TBCK: variants seen among roughly 807,000 people sequenced by gnomAD.
TBCK encodes TBC1 domain containing kinase.
TBCK carries 99 observed loss-of-function variants against 113.4 expected under a neutral mutation model. That is an observed-to-expected ratio of 0.87 (90% CI 0.74 to 1.03). TBCK has a LOEUF of 1.03. TBCK is among the 50% of genes least tolerant of loss of function. The probability of loss-of-function intolerance (pLI) is 0.00; values close to 1 mark genes in which losing one functional copy is unlikely to be tolerated. For synonymous variants in TBCK, 369 were observed against 370.8 expected, an observed-to-expected ratio of 1.00 and a Z score of 0.05; for missense variants, 1,045 against 1,061.3, an observed-to-expected ratio of 0.98 and a Z score of 0.21.
intron 3 of TBCK, among the ~76,000 whole-genome samples, chr4:106,265,526 G>T (rs1161968321): frequency 3.9e-5 from 5 of 129,672 alleles, no homozygotes; most frequent in Admixed American, 3.8e-4. Flanking sequence ...GAGATCCAGA[G>T]ATCCAAAGAG....
intron 25 of TBCK, among the ~76,000 whole-genome samples, chr4:106,077,981 CA>C (rs1163648812): frequency 2.0e-5 from 3 of 152,128 alleles, no homozygotes; most frequent in Non-Finnish European, 4.4e-5. Context: ...GTAAAAACAG[CA>C]ATCAATACTA....
chr4:106,143,114 T>G (rs924302745), intron 23 of TBCK, among the ~76,000 whole-genome samples: 2 of 152,170 alleles, frequency 1.3e-5, no homozygotes, highest in African/African-American at 4.8e-5. Flanking sequence ...CATCAAGAAA[T>G]CCATCCCAAC....
At chr4:106,189,642 T>C (rs908085415) in intron 22 of TBCK, among the ~76,000 whole-genome samples, 3 of 152,176 alleles carry the variant, frequency 2.0e-5, no homozygotes, top group East Asian at 3.9e-4. Flanking sequence ...TTGAAAAAAA[T>C]GTAGAGAGAT....
chr4:106,047,624 T>A (rs762152714), intron 25 of TBCK, among the ~76,000 whole-genome samples: 3 of 152,208 alleles, frequency 2.0e-5, no homozygotes, highest in Non-Finnish European at 2.9e-5. Context: ...CTTGTATGAA[T>A]CTCAATCTTT....
At chr4:106,278,586 A>G (rs1764254901) in intron 3 of TBCK, among the ~76,000 whole-genome samples, 1 of 144,800 alleles carries the variant, frequency 6.9e-6, no homozygotes, top group Middle Eastern at 3.6e-3. Flanking sequence ...AAAAAAAAAG[A>G]GTTCATGAAA....
At position 106,045,383 on chromosome 4, in the gene TBCK, T is replaced by C. The variant is rs796253257; in HGVS notation, c.*1187A>G. 4 of 152,320 alleles carry C rather than the reference T, an allele frequency of 2.6e-5. No individual in the cohort carries two copies. Among genetic ancestry groups the C allele is most frequent in the African/African-American group, 9.6e-5 (4 of 41,568 alleles). The allele number at this position is 152,320 out of a possible 1,614,324, so 9.4% of individuals were successfully genotyped here. Reference sequence around the variant, plus strand: ...TTGTGGTACCTAAAATTGTGAGATGTCTTAGATTTAATGAAATATAATACT... The same window carrying C: ...TTGTGGTACCTAAAATTGTGAGATGCCTTAGATTTAATGAAATATAATACT... On this transcript the variant is annotated 3_prime_UTR_variant, in exon 26 of 26. Coordinates refer to ENST00000394708, the MANE Select transcript of TBCK (RefSeq NM_001163435.3).
intron 19 of TBCK, among the ~76,000 whole-genome samples, chr4:106,228,385 C>G (rs977474071): frequency 3.3e-5 from 5 of 151,120 alleles, no homozygotes; most frequent in African/African-American, 1.2e-4. Context: ...CCTCCAACTC[C>G]TACCCTCCAC....
intron 19 of TBCK, among the ~76,000 whole-genome samples, chr4:106,216,897 A>C (rs373606529): frequency 6.6e-6 from 1 of 151,758 alleles, no homozygotes; most frequent in Admixed American, 6.6e-5. Flanking sequence ...TACCAAAGCC[A>C]GGCAGAGACA....
At chr4:106,122,074 C>A (rs909991258) in intron 23 of TBCK, among the ~76,000 whole-genome samples, 11 of 152,194 alleles carry the variant, frequency 7.2e-5, no homozygotes, top group Admixed American at 4.6e-4. Flanking sequence ...CAAAAAATTA[C>A]TGAATCCAGG....
At chr4:106,279,861 C>T (rs895119345) in intron 3 of TBCK, among the ~76,000 whole-genome samples, 3 of 152,110 alleles carry the variant, frequency 2.0e-5, no homozygotes, top group African/African-American at 7.2e-5. Flanking sequence ...GCTTCCAAAT[C>T]TTGGCTATTG....
intron 23 of TBCK, among the ~76,000 whole-genome samples, chr4:106,130,796 CTT>C (rs982164878): frequency 2.0e-5 from 3 of 152,110 alleles, no homozygotes; most frequent in Non-Finnish European, 4.4e-5. Context: ...ATTAAACTCT[CTT>C]AAATACTTCA....
At chr4:106,261,488 A>G (rs1447544574) in intron 4 of TBCK, among the ~76,000 whole-genome samples, 7 of 152,084 alleles carry the variant, frequency 4.6e-5, no homozygotes, top group Admixed American at 4.6e-4. Context: ...ATTTCCTCCA[A>G]GTTGTTTTTA....
intron 19 of TBCK, among the ~76,000 whole-genome samples, chr4:106,218,904 T>C (rs1757324132): frequency 6.6e-6 from 1 of 150,954 alleles, no homozygotes; most frequent in Admixed American, 6.6e-5. Flanking sequence ...CATGCTGCTA[T>C]AAAGACACAT....
chr4:106,120,259 C>T (rs931100913), intron 23 of TBCK, among the ~76,000 whole-genome samples: 2 of 152,098 alleles, frequency 1.3e-5, no homozygotes, highest in African/African-American at 4.8e-5. Context: ...TTTTCGGACC[C>T]CCTTAAAAAA....
intron 23 of TBCK, among the ~76,000 whole-genome samples, chr4:106,152,866 T>C (rs1167584622): frequency 6.6e-6 from 1 of 152,046 alleles, no homozygotes; most frequent in African/African-American, 2.4e-5. Context: ...TTTATTGGCA[T>C]ATAGTTGCTC....
Position 106,043,710 on chromosome 4 carries a change from A to C in TBCK, c.*2860T>G, listed in dbSNP as rs1226109806. 2.0e-5 allele frequency: 3 copies of C among 151,674 alleles called. No individual in the cohort carries two copies. Among genetic ancestry groups the C allele is most frequent in the Non-Finnish European group, 2.9e-5 (2 of 67,940 alleles). The allele number at this position is 151,674 out of a possible 1,614,324, so 9.4% of individuals were successfully genotyped here. A position where few individuals can be genotyped will look rare whatever the true frequency, so the allele number is the denominator to read the frequency against. ...ACACTGTTGTTGCTAGATTATCAAG[A>C]GTTAATAAGTGTGTTTATGAATGTG... is the stretch of plus-strand genomic sequence containing the variant. On this transcript the variant is annotated 3_prime_UTR_variant, in exon 26 of 26. Transcript: ENST00000394708.
intron 19 of TBCK, among the ~76,000 whole-genome samples, chr4:106,215,628 C>G (rs894668222): frequency 4.6e-5 from 7 of 152,272 alleles, no homozygotes; most frequent in African/African-American, 1.7e-4. Context: ...AAGGCCATAA[C>G]ATAATGGTAA....
At chr4:106,062,618 G>C (rs902450406) in intron 25 of TBCK, among the ~76,000 whole-genome samples, 4 of 151,856 alleles carry the variant, frequency 2.6e-5, no homozygotes, top group Non-Finnish European at 5.9e-5. Flanking sequence ...GGGTCAAATG[G>C]GAGGGCAACT....
At chr4:106,270,701 A>AC (rs1211199793) in intron 3 of TBCK, among the ~76,000 whole-genome samples, 2 of 152,120 alleles carry the variant, frequency 1.3e-5, no homozygotes, top group Non-Finnish European at 2.9e-5. Context: ...TTATCACCCT[A>AC]CCCATCTCAA....
Sources: allele counts gnomAD v4.1 joint callset (sites outside exome capture counted in the v4.1 genomes callset), GRCh38; gene constraint gnomAD v4.1.1; transcripts MANE v1.5; gene names NCBI Gene and HGNC (gene_info 2026-07-23, HGNC 2026-07-21).